LSS: variants seen among roughly 807,000 people sequenced by gnomAD.
LSS encodes lanosterol synthase, also known as 2,3-epoxysqualene-lanosterol cyclase.
Under a neutral mutation model 110.3 loss-of-function variants are expected in LSS, and 90 were observed. The ratio of observed to expected loss-of-function variants is 0.82; its 90% CI spans 0.69 to 0.97. The LOEUF (loss-of-function observed/expected upper bound fraction) is 0.97. Ranked by LOEUF, LSS falls within the 50% of genes least tolerant of loss-of-function variation. LSS has a pLI of 0.00. For synonymous variants in LSS, 433 were observed against 400.0 expected, an observed-to-expected ratio of 1.08 and a Z score of -0.98; for missense variants, 927 against 990.0, an observed-to-expected ratio of 0.94 and a Z score of 0.85.
chr21:46,199,299 T>C (rs566360705), intron 17 of LSS, among the ~76,000 whole-genome samples: 2 of 152,278 alleles, frequency 1.3e-5, no homozygotes, highest in East Asian at 3.9e-4. Flanking sequence ...CATTAGGGAA[T>C]TGCAAATTGA....
At chr21:46,221,520 C>T (rs1479079119) in intron 5 of LSS, among the ~76,000 whole-genome samples, 1 of 152,080 alleles carries the variant, frequency 6.6e-6, no homozygotes, top group African/African-American at 2.4e-5. Flanking sequence ...TCACACCTGG[C>T]TAATATTTTA....
At chr21:46,217,399 T>G (rs2080221088) in intron 6 of LSS, among the ~76,000 whole-genome samples, 1 of 152,156 alleles carries the variant, frequency 6.6e-6, no homozygotes, top group Non-Finnish European at 1.5e-5. Flanking sequence ...TTTCTCTCCC[T>G]TTCCCTGCTA....
intron 17 of LSS, among the ~76,000 whole-genome samples, chr21:46,203,055 T>A (rs764995367): frequency 3.0e-4 from 45 of 151,950 alleles, no homozygotes; most frequent in Non-Finnish European, 1.5e-4. Context: ...CACCACTCTG[T>A]GAGGCTGTAC....
At position 46,190,864 on chromosome 21, in the gene LSS, C is replaced by T. The variant is rs1003643641; in HGVS notation, c.*240G>A. Reference sequence around the variant, plus strand: ...CTCAGGGGTCACGGCTCCTGTGCCCCCTTCCTCACCCAAGCCCGACAAGCT... The same window carrying T: ...CTCAGGGGTCACGGCTCCTGTGCCCTCTTCCTCACCCAAGCCCGACAAGCT... On this transcript the variant is annotated 3_prime_UTR_variant, in exon 22 of 22. Coordinates refer to ENST00000397728, the MANE Select transcript of LSS (RefSeq NM_002340.6). This position sits in a 1 kb window ranked among gnomAD's most constrained non-coding sequence, Gnocchi z 4.6. 4 of 532,770 alleles carry T rather than the reference C, an allele frequency of 7.5e-6. No homozygotes were observed. Among genetic ancestry groups the T allele is most frequent in the South Asian group, 2.5e-5 (1 of 40,146 alleles). The allele number at this position is 532,770 out of a possible 1,614,324, so 33.0% of individuals were successfully genotyped here.
rs1424607391 is a variant in LSS, at chr21:46,191,368, G to A, written c.2068-133C>T. The A allele has an allele frequency of 7.5e-6, 7 of 931,156 alleles. No individual in the cohort carries two copies. The African/African-American group carries it at 9.8e-5, about 13-fold the overall frequency. 57.7% of individuals were successfully genotyped at this position (931,156 alleles called of 1,614,324 possible). A position where few individuals can be genotyped will look rare whatever the true frequency, so the allele number is the denominator to read the frequency against. ...CCTGGAAAGGGCTAATTAAGCAAGAGCATAGGAAAGCAAGTAGTCCATCCC... is the reference window on the plus strand; with the variant it reads ...CCTGGAAAGGGCTAATTAAGCAAGAACATAGGAAAGCAAGTAGTCCATCCC... On this transcript the variant is annotated intron_variant, in intron 21 of 21. Coordinates refer to ENST00000397728, the MANE Select transcript of LSS (RefSeq NM_002340.6).
At chr21:46,203,386 G>A (rs1193944841) in intron 17 of LSS, among the ~76,000 whole-genome samples, 1 of 152,206 alleles carries the variant, frequency 6.6e-6, no homozygotes, top group Non-Finnish European at 1.5e-5. Context: ...AACCTCACCA[G>A]GCACAAAGTG....
At chr21:46,218,335 G>GACACTGGTTAAAA (rs879677461) in intron 6 of LSS, among the ~76,000 whole-genome samples, 2,414 of 152,148 alleles carry the variant, frequency 0.016, 35 homozygotes, top group Middle Eastern at 0.031. Context: ...AATGTTACAA[G>GACACTGGTTAAAA]ACACCACATA....
intron 17 of LSS, among the ~76,000 whole-genome samples, chr21:46,198,829 C>CAAAAAAAAAAAAAAAAAAAAAAAA (rs35148484): frequency 1.4e-5 from 1 of 73,470 alleles, no homozygotes; most frequent in Non-Finnish European, 2.4e-5. Flanking sequence ...CATCCACATG[C>CAAAAAAAAAAAAAAAAAAAAAAAA]AAAAAAAAAA....
At position 46,195,667 on chromosome 21, in the gene LSS, C is replaced by G; in HGVS notation, c.1817+9G>C. On this transcript the variant is annotated intron_variant, in intron 19 of 21. Coordinates refer to ENST00000397728, the MANE Select transcript of LSS (RefSeq NM_002340.6). Reference sequence around the variant, plus strand: ...ACCCCCACCCACCAGAGGACAGGCACTCACTCACCCATCTCGGTAGGTCTG... The same window carrying G: ...ACCCCCACCCACCAGAGGACAGGCAGTCACTCACCCATCTCGGTAGGTCTG... 1 of 1,613,324 alleles carries G rather than the reference C, an allele frequency of 6.2e-7. No homozygotes were observed. The highest frequency in any genetic ancestry group is 8.5e-7 in the Non-Finnish European group (1 of 1,179,456).
intron 12 of LSS, 55 bp downstream of exon 12, chr21:46,210,633 G>A: frequency 6.4e-7 from 1 of 1,561,264 alleles, no homozygotes; most frequent in South Asian, 1.1e-5. Flanking sequence ...GGATGCGTGG[G>A]CTCACGTGCA....
chr21:46,203,534 A>C (rs1362681174), intron 17 of LSS, among the ~76,000 whole-genome samples: 1 of 152,250 alleles, frequency 6.6e-6, no homozygotes, highest in Non-Finnish European at 1.5e-5. Flanking sequence ...TCTTGTTTGC[A>C]AAGAACCTGC....
intron 12 of LSS, among the ~76,000 whole-genome samples, chr21:46,210,474 C>T (rs1303760293): frequency 2.0e-5 from 3 of 152,142 alleles, no homozygotes; most frequent in African/African-American, 7.2e-5. Context: ...CCCTGCCCTC[C>T]CAAGGCCCCC....
intron 10 of LSS, 63 bp downstream of exon 10, chr21:46,213,675 G>A: frequency 1.4e-6 from 2 of 1,448,014 alleles, no homozygotes; most frequent in Non-Finnish European, 1.9e-6. Context: ...TCACTGGGAT[G>A]CAGCTGGGGC....
chr21:46,223,827 C>T (rs544928199), intron 3 of LSS, among the ~76,000 whole-genome samples: 40 of 152,312 alleles, frequency 2.6e-4, no homozygotes, highest in African/African-American at 8.4e-4. Context: ...CTAGTGGTAA[C>T]GCCAGCGTCT....
At chr21:46,194,810 C>A in intron 19 of LSS, 149 bp from the exon 20 acceptor site, 1 of 709,198 alleles carries the variant, frequency 1.4e-6, no homozygotes, top group Non-Finnish European at 2.3e-6. Flanking sequence ...TACTGAAACC[C>A]GAGCTTGACT....
At chr21:46,222,129 C>G in intron 4 of LSS, 154 bp from the exon 5 acceptor site, 1 of 730,004 alleles carries the variant, frequency 1.4e-6, no homozygotes, top group Admixed American at 2.7e-5. Flanking sequence ...TGAGCAGCCA[C>G]TCTGCAGTAC....
chr21:46,208,986 G>C (rs2080091438), intron 13 of LSS, among the ~76,000 whole-genome samples: 1 of 152,190 alleles, frequency 6.6e-6, no homozygotes, highest in African/African-American at 2.4e-5. Flanking sequence ...CTGAGGCCGT[G>C]GCCGGGACAG....
At chr21:46,207,283 TCCA>T in intron 15 of LSS, 142 bp downstream of exon 15, 1 of 999,068 alleles carries the variant, frequency 1.0e-6, no homozygotes, top group East Asian at 2.6e-5. Context: ...CTCACAGTTC[TCCA>T]CATATAGACA....
rs766503132 is a variant in LSS, at chr21:46,207,596, G to C, written c.1318-19C>G. 3 of 1,604,604 alleles carry C rather than the reference G, an allele frequency of 1.9e-6. No homozygotes were observed. In the East Asian group the frequency reaches 6.7e-5, roughly 36 times the overall value. The stretch of plus-strand genomic sequence containing the variant: ...AGCCACCCTGCAGAGCACAAGCCAT[G>C]ACTCCAGGCTGGGGGTGTCCACACC... On this transcript the variant is annotated intron_variant, in intron 14 of 21. Transcript: ENST00000397728.
Sources: allele counts gnomAD v4.1 joint callset (sites outside exome capture counted in the v4.1 genomes callset), GRCh38; gene constraint gnomAD v4.1.1; non-coding constraint Gnocchi (gnomAD v3.1); transcripts MANE v1.5; gene names NCBI Gene and HGNC (gene_info 2026-07-23, HGNC 2026-07-21).